Variants in ANXA7 observed in about 807,000 individuals in gnomAD.
ANXA7 encodes annexin VII.
A neutral mutation model predicts 64.9 loss-of-function variants in ANXA7; 55 were observed. The ratio of observed to expected loss-of-function variants is 0.85; its 90% CI spans 0.68 to 1.06. The LOEUF (loss-of-function observed/expected upper bound fraction) is 1.06. Among genes scored for constraint, ANXA7 ranks in the 50% least tolerant of loss-of-function variants. The pLI, the probability that ANXA7 is intolerant of heterozygous loss-of-function variation, is 0.00. For missense variants in ANXA7, 548 were observed against 582.1 expected (o/e 0.94, Z 0.60); for synonymous variants, 200 against 192.4 (o/e 1.04, Z -0.33).
intron 9 of ANXA7, chr10:73,381,295 A>C (rs2055271089): frequency 6.6e-6 from 1 of 152,124 alleles, no homozygotes; most frequent in African/African-American, 2.4e-5. Flanking sequence ...CAAATAACTC[A>C]TGTTCTGTTA....
At chr10:73,404,888 G>A (rs974871607) in intron 1 of ANXA7, among the ~76,000 whole-genome samples, 5 of 152,150 alleles carry the variant, frequency 3.3e-5, no homozygotes, top group African/African-American at 9.7e-5. Flanking sequence ...GGAAGCCAAC[G>A]CAGGTGGATC....
intron 6 of ANXA7, among the ~76,000 whole-genome samples, chr10:73,388,015 C>T (rs370132529): frequency 6.6e-6 from 1 of 152,040 alleles, no homozygotes; most frequent in Non-Finnish European, 1.5e-5. Context: ...CCATGCCCAA[C>T]TATTTTACTT....
chr10:73,393,227 G>T (rs1390662714), intron 5 of ANXA7, among the ~76,000 whole-genome samples: 1 of 152,064 alleles, frequency 6.6e-6, no homozygotes, highest in Non-Finnish European at 1.5e-5. Flanking sequence ...GGAAGAACAA[G>T]AACATTCCAT....
At chr10:73,395,883 GCTA>G in intron 5 of ANXA7, 1 of 708,852 alleles carries the variant, frequency 1.4e-6, no homozygotes, top group South Asian at 1.5e-5. Context: ...AGACTAACTG[GCTA>G]CTATGTCTAA....
intron 1 of ANXA7, among the ~76,000 whole-genome samples, chr10:73,407,146 G>C (rs536975107): frequency 6.6e-6 from 1 of 151,928 alleles, no homozygotes; most frequent in African/African-American, 2.4e-5. Context: ...GCACAATCTC[G>C]GGTCACTGCA....
In ANXA7 at chr10:73,378,919, G is replaced by T. The variant is rs762558430; in HGVS notation, c.1270C>A (p.Arg424=). 5 of 1,612,082 alleles carry T rather than the reference G, an allele frequency of 3.1e-6. No individual in the cohort carries two copies. The highest frequency in any genetic ancestry group is 4.2e-6 in the Non-Finnish European group (5 of 1,178,712). The change falls in exon 12 of 13, where the codon CGA becomes AGA. Residue 424 remains arginine (R), a synonymous_variant. Transcript: ENST00000372921. ...DSTLVRIVVT[R]SEIDLVQIKQ... is the part of the protein sequence containing the mutation. Reference sequence around the variant, plus strand: ...AGAGAGGCCTGCCTCACCTCACTTCGAGTGACCACAATCCGGACCAGGGTG... The same window carrying T: ...AGAGAGGCCTGCCTCACCTCACTTCTAGTGACCACAATCCGGACCAGGGTG...
chr10:73,409,332 A>T (rs1201956878), intron 1 of ANXA7, among the ~76,000 whole-genome samples: 1 of 152,240 alleles, frequency 6.6e-6, no homozygotes, highest in Non-Finnish European at 1.5e-5. Flanking sequence ...TTACAAAATC[A>T]ATGTACACAA....
intron 5 of ANXA7, among the ~76,000 whole-genome samples, chr10:73,393,623 T>C (rs1272575849): frequency 1.3e-5 from 2 of 152,178 alleles, no homozygotes; most frequent in African/African-American, 4.8e-5. Flanking sequence ...ATTCCCTATT[T>C]AATAAATGGT....
chr10:73,387,362 A>G (rs2055392000), intron 7 of ANXA7, among the ~76,000 whole-genome samples: 1 of 152,024 alleles, frequency 6.6e-6, no homozygotes. Flanking sequence ...TAAAAATACA[A>G]AAATTAGCCA....
chr10:73,390,690 T>TAA (rs2055457474), intron 5 of ANXA7, among the ~76,000 whole-genome samples: 1 of 123,792 alleles, frequency 8.1e-6, no homozygotes. Context: ...TTCTCTTTTG[T>TAA]AAAATATATA....
chr10:73,409,964 GAAGA>G (rs1377337670), intron 1 of ANXA7, among the ~76,000 whole-genome samples: 1 of 152,132 alleles, frequency 6.6e-6, no homozygotes, highest in Non-Finnish European at 1.5e-5. Flanking sequence ...CAAGCCACAT[GAAGA>G]ATGAAACTGG....
At chr10:73,390,478 A>G (rs1027424573) in intron 5 of ANXA7, among the ~76,000 whole-genome samples, 5 of 152,240 alleles carry the variant, frequency 3.3e-5, no homozygotes, top group African/African-American at 1.2e-4. Context: ...GTTTTAATAG[A>G]AAGCCAAAAT....
intron 1 of ANXA7, among the ~76,000 whole-genome samples, chr10:73,412,088 G>A (rs1216287162): frequency 6.6e-6 from 1 of 152,160 alleles, no homozygotes; most frequent in South Asian, 2.1e-4. Flanking sequence ...CCAGGCTGGA[G>A]TGCAGTGGCA....
chr10:73,386,245 C>T (rs1319433866), intron 7 of ANXA7, among the ~76,000 whole-genome samples: 1 of 150,700 alleles, frequency 6.6e-6, no homozygotes, highest in Non-Finnish European at 1.5e-5. Context: ...CAAAGCAGTG[C>T]TATCCATGTT....
Position 73,377,826 on chromosome 10 carries a change from C to CGTGTGTGT in ANXA7, c.1278+1077_1278+1084dup, listed in dbSNP as rs58404250. Reference sequence around the variant, plus strand: ...TATTTTTTGTATAAATAGGTTTCACCGTGTGTGTGTGTGTGTGTGTGTGTG... The same window carrying CGTGTGTGT: ...TATTTTTTGTATAAATAGGTTTCACCGTGTGTGTGTGTGTGTGTGTGTGTGTGTGTGTG... On this transcript the variant is annotated intron_variant, in intron 12 of 12. Coordinates refer to ENST00000372921, the MANE Select transcript of ANXA7 (RefSeq NM_001156.5). 1.7e-3 allele frequency among the ~76,000 whole-genome samples: 208 copies of CGTGTGTGT among 122,564 alleles called. 2 individuals carry two copies. The South Asian group carries it at 0.03, about 18-fold the overall frequency. 80.4% of individuals were successfully genotyped at this position (122,564 alleles called of 152,430 possible).
At chr10:73,386,998 G>A (rs959241458) in intron 7 of ANXA7, among the ~76,000 whole-genome samples, 1 of 152,090 alleles carries the variant, frequency 6.6e-6, no homozygotes, top group Non-Finnish European at 1.5e-5. Flanking sequence ...CATAGGACAC[G>A]TTTAGAGAAA....
At chr10:73,376,244 G>A (rs1182506028) in intron 12 of ANXA7, 27 bp from the exon 13 acceptor site, 1 of 1,532,140 alleles carries the variant, frequency 6.5e-7, no homozygotes, top group East Asian at 2.3e-5. Flanking sequence ...ATTTCTGTCA[G>A]AAAAACATCT....
rs1302007166 is a variant in ANXA7, at chr10:73,383,245, C to T, written c.848G>A (p.Arg283Gln). ...IVRCYQSEFG[R>Q]DLEKDIRSDT... ...TGACCTAATGTCCTTTTCAAGGTCT[C>T]GTCCAAATTCTGACTGATAACATCT... is the stretch of plus-strand genomic sequence containing the variant. Residue 283 changes from arginine to glutamine, a missense_variant, in exon 9 of 13, where the codon CGA becomes CAA. By Grantham distance (43) the Arg-to-Gln change is conservative (BLOSUM62 1). Transcript: ENST00000372921. The T allele has an allele frequency of 6.8e-6, 11 of 1,613,988 alleles. No individual in the cohort carries two copies. Among genetic ancestry groups the T allele is most frequent in the South Asian group, 1.1e-5 (1 of 91,068 alleles).
Position 73,397,202 on chromosome 10 carries a change from TGTGAAG to T in ANXA7, c.326_331del (p.Pro109_Ser110del). ...CTGTGCTGGACCACCTCCATAAGAC[TGTGAAG>T]GTGGCTGTGGATACCCAGAAAAGCC... On this transcript the variant is annotated inframe_deletion, in exon 4 of 13. Transcript: ENST00000372921. The T allele has an allele frequency of 6.2e-7, 1 of 1,612,144 alleles. No homozygotes were observed. The highest frequency in any genetic ancestry group is 8.5e-7 in the Non-Finnish European group (1 of 1,178,856).
Sources: gnomAD v4.1 joint callset for allele counts (sites outside exome capture counted in the v4.1 genomes callset) on GRCh38, gnomAD v4.1.1 for gene constraint, MANE v1.5 for transcripts, NCBI Gene and HGNC (gene_info 2026-07-23, HGNC 2026-07-21) for gene names.